Variants in PRP4K observed in about 807,000 individuals in gnomAD.
The protein encoded by PRP4K is serine/threonine-protein kinase PRP4 homolog.
the PRP4K span, chr6:4,058,981 G>T: frequency 9.6e-6 from 5 of 518,512 alleles, no homozygotes; most frequent in Non-Finnish European, 3.4e-6. Context: ...AAAGATGGAG[G>T]GATTTTAAAA....
the PRP4K span, among the ~76,000 whole-genome samples, chr6:4,051,598 T>G: frequency 6.6e-6 from 1 of 152,186 alleles, no homozygotes; most frequent in Non-Finnish European, 1.5e-5. Flanking sequence ...ATTACAGGCA[T>G]GAGCTACCGC....
At chr6:4,032,372 T>G in the PRP4K span, 2 of 1,613,992 alleles carry the variant, frequency 1.2e-6, no homozygotes, top group Non-Finnish European at 1.7e-6. Flanking sequence ...AAAGTAGAAG[T>G]CGCGATCGAG....
chr6:4,060,366 T>A, the PRP4K span: 1 of 1,532,900 alleles, frequency 6.5e-7, no homozygotes, highest in South Asian at 1.2e-5. This position sits in a 1 kb window ranked among gnomAD's most constrained non-coding sequence, Gnocchi z 4.7. Context: ...AAGTTGTATA[T>A]GCTTAGTAAC....
At chr6:4,048,655 A>G in the PRP4K span, among the ~76,000 whole-genome samples, 1 of 152,034 alleles carries the variant, frequency 6.6e-6, no homozygotes, top group Non-Finnish European at 1.5e-5. Context: ...GCAGCCTTGA[A>G]TTCCTGAGCT....
the PRP4K span, among the ~76,000 whole-genome samples, chr6:4,029,774 G>A: frequency 2.0e-5 from 3 of 152,018 alleles, no homozygotes; most frequent in East Asian, 1.9e-4. Flanking sequence ...GACCGTTCTC[G>A]AAATTAGTTT....
chr6:4,063,925 G>C, the PRP4K span: 2 of 152,138 alleles, frequency 1.3e-5, no homozygotes, highest in African/African-American at 4.8e-5. Context: ...TCAGACTTGA[G>C]GGCTCATAGA....
the PRP4K span, among the ~76,000 whole-genome samples, chr6:4,022,154 A>ATTTTTTTTTTTTT: frequency 2.2e-5 from 2 of 92,012 alleles, no homozygotes; most frequent in Non-Finnish European, 3.9e-5. Context: ...GAGGCCTGGC[A>ATTTTTTTTTTTTT]TTTTTTTTTT....
chr6:4,060,526 C>T, the PRP4K span: 2 of 1,613,890 alleles, frequency 1.2e-6, no homozygotes, highest in Admixed American at 3.3e-5. This position sits in a 1 kb window ranked among gnomAD's most constrained non-coding sequence, Gnocchi z 4.7. Flanking sequence ...AGCTAAAGGA[C>T]TTGTTGGACC....
At chr6:4,021,419 G>A in the PRP4K span, 2 of 1,581,998 alleles carry the variant, frequency 1.3e-6, no homozygotes, top group Non-Finnish European at 1.7e-6. Context: ...GAGTCAGGAA[G>A]TTCAAGATGG....
At chr6:4,033,396 C>T in the PRP4K span, among the ~76,000 whole-genome samples, 1 of 151,900 alleles carries the variant, frequency 6.6e-6, no homozygotes, top group Non-Finnish European at 1.5e-5. Context: ...CTTATAAATC[C>T]TCATGTGATT....
chr6:4,048,994 C>T, the PRP4K span: 3 of 1,584,708 alleles, frequency 1.9e-6, no homozygotes, highest in Non-Finnish European at 2.6e-6. Context: ...GTAAACTGTT[C>T]ATGTTGCCTC....
the PRP4K span, among the ~76,000 whole-genome samples, chr6:4,042,007 G>A: frequency 9.9e-5 from 15 of 152,272 alleles, no homozygotes; most frequent in East Asian, 3.9e-4. Flanking sequence ...GCAGTGTTGC[G>A]GAGTAGAGCC....
the PRP4K span, chr6:4,064,931 A>T: frequency 6.6e-6 from 1 of 152,610 alleles, no homozygotes; most frequent in Non-Finnish European, 1.5e-5. Context: ...TTAGCAGTGC[A>T]TGTTTCTAAT....
chr6:4,032,248 T>A, the PRP4K span: 3 of 1,613,088 alleles, frequency 1.9e-6, no homozygotes, highest in Admixed American at 3.3e-5. Context: ...TCCCCTACCC[T>A]TAGAAGGCGA....
the PRP4K span, chr6:4,021,427 T>C: frequency 1.3e-6 from 2 of 1,583,670 alleles, no homozygotes; most frequent in Non-Finnish European, 1.7e-6. Context: ...AAGTTCAAGA[T>C]GGCCGCCGCG....
At chr6:4,047,033 G>A in the PRP4K span, 1 of 682,788 alleles carries the variant, frequency 1.5e-6, no homozygotes, top group South Asian at 1.6e-5. Flanking sequence ...TTAATAAAGT[G>A]ATTCTAAATT....
At chr6:4,049,602 A>G in the PRP4K span, 3 of 904,118 alleles carry the variant, frequency 3.3e-6, no homozygotes, top group East Asian at 5.3e-5. Flanking sequence ...CATGGCTTTG[A>G]TTCTTCATTG....
chr6:4,056,216 T>A, the PRP4K span: 1 of 724,674 alleles, frequency 1.4e-6, no homozygotes, highest in Non-Finnish European at 2.3e-6. Context: ...ATGTCTTTGT[T>A]CTCAGTATTG....
the PRP4K span, among the ~76,000 whole-genome samples, chr6:4,054,575 C>T: frequency 6.6e-6 from 1 of 152,204 alleles, no homozygotes; most frequent in East Asian, 1.9e-4. Context: ...GGCGTGATCT[C>T]GGCTCACTGC....
Sources: gnomAD v4.1 joint callset for allele counts (sites outside exome capture counted in the v4.1 genomes callset) on GRCh38, gnomAD v4.1.1 for gene constraint, Gnocchi (gnomAD v3.1) non-coding constraint, MANE v1.5 for transcripts, NCBI Gene and HGNC (gene_info 2026-07-23, HGNC 2026-07-21) for gene names.